Variants in UNC80 observed in about 807,000 individuals in gnomAD.
UNC80 encodes the protein unc-80 subunit of NALCN channel complex, also known as protein unc-80 homolog.
A neutral mutation model predicts 384.6 loss-of-function variants in UNC80; 164 were observed. That is an observed-to-expected ratio of 0.43 (90% CI 0.38 to 0.49). The LOEUF (loss-of-function observed/expected upper bound fraction) is 0.49. UNC80 is among the 20% of genes least tolerant of loss of function. The pLI is 0.00. For missense variants in UNC80, 3,330 were observed against 4,143.0 expected (o/e 0.80, Z 5.39); for synonymous variants, 1,486 against 1,527.8 (o/e 0.97, Z 0.64).
At chr2:209,975,039 T>G (rs550973053) in intron 56 of UNC80, among the ~76,000 whole-genome samples, 2 of 152,342 alleles carry the variant, frequency 1.3e-5, no homozygotes, top group African/African-American at 4.8e-5. Context: ...AATCTCTCTC[T>G]CTGTGTTACA....
At chr2:209,899,815 C>T (rs893525682) in intron 28 of UNC80, among the ~76,000 whole-genome samples, 18 of 152,214 alleles carry the variant, frequency 1.2e-4, no homozygotes, top group African/African-American at 4.3e-4. Flanking sequence ...CTTTGCTTCT[C>T]TTCTTAGCTA....
At chr2:209,921,759 C>A in intron 34 of UNC80, 73 bp downstream of exon 34, 1 of 1,430,692 alleles carries the variant, frequency 7.0e-7, no homozygotes, top group Non-Finnish European at 9.3e-7. Flanking sequence ...TTAACATTGA[C>A]AATTTTATGT....
In UNC80 at chr2:209,849,716, GTGTT is replaced by G. The variant is rs200164741; in HGVS notation, c.3627+104_3627+107del. 2.5e-3 allele frequency: 3,214 copies of G among 1,308,258 alleles called. 60 individuals carry two copies. The African/African-American group carries it at 0.033, about 14-fold the overall frequency. The allele number at this position is 1,308,258 out of a possible 1,614,324, so 81.0% of individuals were successfully genotyped here. ...ATGATTCCCCAATTGTAATCCTCCT[GTGTT>G]TGTTTGTTTGCTTTTTCAGAATTAG... On this transcript the variant is annotated intron_variant, in intron 22 of 64. Coordinates refer to ENST00000673920, the MANE Select transcript of UNC80 (RefSeq NM_001371986.1).
intron 23 of UNC80, among the ~76,000 whole-genome samples, chr2:209,874,510 C>A (rs576135097): frequency 2.0e-4 from 30 of 152,350 alleles, no homozygotes; most frequent in African/African-American, 6.7e-4. Context: ...GACTTTCTTG[C>A]AGCATTTGAC....
intron 6 of UNC80, among the ~76,000 whole-genome samples, chr2:209,793,451 A>G (rs1180890500): frequency 6.6e-6 from 1 of 152,226 alleles, no homozygotes; most frequent in African/African-American, 2.4e-5. Context: ...GATGAAAAAG[A>G]AAATAATTAA....
Position 209,943,390 on chromosome 2 carries a change from A to G in UNC80, c.6926A>G (p.Asp2309Gly). The G allele has an allele frequency of 6.4e-7, 1 of 1,552,192 alleles. No individual in the cohort carries two copies. The change falls in exon 45 of 65, where the codon GAC (aspartate) becomes GGC (glycine). Residue 2309 changes from aspartate to glycine, a missense_variant. Coordinates refer to ENST00000673920, the MANE Select transcript of UNC80 (RefSeq NM_001371986.1). ...ILPTMLQVYS[D>G]YESNPQLRQA... Reference sequence around the variant, plus strand: ...GGCATTTTTCCATAGGTGTACTCCGACTATGAAAGCAATCCCCAGCTGCGT... The same window carrying G: ...GGCATTTTTCCATAGGTGTACTCCGGCTATGAAAGCAATCCCCAGCTGCGT...
Position 209,835,226 on chromosome 2 carries a change from C to T in UNC80, c.3041+216C>T, listed in dbSNP as rs536929429. Among the ~76,000 whole-genome samples the T allele has an allele frequency of 3.3e-5, 5 of 152,306 alleles. No homozygotes were observed. In the South Asian group the frequency reaches 1.0e-3, roughly 32 times the overall value. On this transcript the variant is annotated intron_variant, in intron 18 of 64. Transcript: ENST00000673920. ...GAGAAGCCTCCCTAACTACATTTCC[C>T]ATCTCCAGTCTCTCCCTCACTTCTG...
rs781470597 is a variant in UNC80, at chr2:209,959,459, AC to A, written c.7587-26del. The stretch of plus-strand genomic sequence containing the variant: ...AGCTGCTACATGAATACATTTTCAG[AC>A]CCCTAGTTAATCTTTCACAATTTCC... On this transcript the variant is annotated intron_variant, in intron 50 of 64. Coordinates refer to ENST00000673920, the MANE Select transcript of UNC80 (RefSeq NM_001371986.1). 7.8e-6 allele frequency: 12 copies of A among 1,542,310 alleles called. No homozygotes were observed. In the South Asian group the frequency reaches 1.3e-4, roughly 17 times the overall value.
Position 209,943,514 on chromosome 2 carries a change from T to A in UNC80, c.7050T>A (p.Pro2350=). The A allele has an allele frequency of 6.4e-7, 1 of 1,551,458 alleles. No homozygotes were observed. Among genetic ancestry groups the A allele is most frequent in the Non-Finnish European group, 8.7e-7 (1 of 1,146,894 alleles). The change falls in exon 45 of 65, where the codon CCT becomes CCA. Residue 2350 remains proline (P), a splice_region_variant and synonymous_variant. Coordinates refer to ENST00000673920, the MANE Select transcript of UNC80 (RefSeq NM_001371986.1). The part of the protein sequence containing the change: ...FASVAPLLEF[P]DAANNGPSKG... ...GTGTGGCCCCTCTCCTGGAATTTCC[T>A]GTAAGTAAGCTCTGTGGGAAAAAAA...
chr2:209,809,299 C>A, intron 7 of UNC80: 2 of 757,806 alleles, frequency 2.6e-6, no homozygotes, highest in Non-Finnish European at 4.9e-6. Context: ...CCTCAAGAAA[C>A]ACATCCGAAG....
chr2:209,917,683 T>G, intron 31 of UNC80, 94 bp from the exon 32 acceptor site: 1 of 1,433,726 alleles, frequency 7.0e-7, no homozygotes, highest in South Asian at 1.4e-5. Flanking sequence ...CAGGAGTCAT[T>G]TTCAGAAGAT....
At chr2:209,815,187 T>C (rs2079641959) in intron 8 of UNC80, 70 bp from the exon 9 acceptor site, 4 of 1,453,760 alleles carry the variant, frequency 2.8e-6, no homozygotes, top group Non-Finnish European at 2.8e-6. Context: ...ATTAAAAATG[T>C]GACATTTCAA....
intron 22 of UNC80, among the ~76,000 whole-genome samples, chr2:209,858,175 T>C (rs911059899): frequency 2.4e-4 from 36 of 152,326 alleles, no homozygotes; most frequent in African/African-American, 8.2e-4. Context: ...TTGTTTTATT[T>C]ATTTGGAAGC....
At chr2:209,815,600 C>T (rs2079678359) in intron 9 of UNC80, among the ~76,000 whole-genome samples, 1 of 152,064 alleles carries the variant, frequency 6.6e-6, no homozygotes, top group African/African-American at 2.4e-5. Context: ...TCTAAATGCT[C>T]CACAGGGTTG....
chr2:209,820,594 A>T lies in UNC80; in HGVS notation c.2246A>T (p.Asp749Val). Reference protein sequence around the residue: ...DGGGEEGGGGDGGGGGGDGGG... With the variant: ...DGGGEEGGGGVGGGGGGDGGG... Reference sequence around the variant, plus strand: ...GGAGGAGAAGAAGGAGGAGGTGGAGATGGAGGAGGTGGAGGAGGTGATGGA... The same window carrying T: ...GGAGGAGAAGAAGGAGGAGGTGGAGTTGGAGGAGGTGGAGGAGGTGATGGA... Residue 749 changes from aspartate (D) to valine (V), a missense_variant, in exon 13 of 65, where the codon GAT (aspartate) becomes GTT (valine). Around this residue, in one of 8 missense-constraint regions of UNC80, gnomAD observed 937 missense variants for 1,026.8 expected, o/e 0.91. Transcript: ENST00000673920. 1 of 1,547,078 alleles carries T rather than the reference A, an allele frequency of 6.5e-7. No homozygotes were observed. The highest frequency in any genetic ancestry group is 8.7e-7 in the Non-Finnish European group (1 of 1,144,572).
intron 61 of UNC80, among the ~76,000 whole-genome samples, chr2:209,990,844 CT>C (rs1466876688): frequency 6.6e-6 from 1 of 152,154 alleles, no homozygotes; most frequent in Non-Finnish European, 1.5e-5. Flanking sequence ...TTTTGGTACT[CT>C]TTATGAATTT....
intron 22 of UNC80, chr2:209,869,209 C>A (rs1431614147): frequency 6.6e-6 from 1 of 152,164 alleles, no homozygotes; most frequent in Non-Finnish European, 1.5e-5. Flanking sequence ...TTTGCTGCTT[C>A]TTCAGATTGC....
Position 209,928,960 on chromosome 2 carries a change from G to A in UNC80, c.5807-911G>A, listed in dbSNP as rs752497331. ...TTCCTGTGCCTGGCTTATTTCACAT[G>A]TAAAGATATTTTTGCAATCAATATC... On this transcript the variant is annotated intron_variant, in intron 36 of 64. Transcript: ENST00000673920. Among the ~76,000 whole-genome samples the A allele has an allele frequency of 5.3e-5, 8 of 152,186 alleles. 1 individual carries two copies. Among genetic ancestry groups the A allele is most frequent in the Non-Finnish European group, 5.9e-5 (4 of 67,988 alleles).
chr2:209,778,718 C>T (rs1360109375), intron 4 of UNC80, among the ~76,000 whole-genome samples: 5 of 152,148 alleles, frequency 3.3e-5, no homozygotes, highest in Non-Finnish European at 1.5e-5. Context: ...AAGAACTATT[C>T]GTTACTTCTG....
Sources: allele counts gnomAD v4.1 joint callset (sites outside exome capture counted in the v4.1 genomes callset), GRCh38; gene constraint gnomAD v4.1.1; regional missense constraint gnomAD v4.1.1; transcripts MANE v1.5; gene names NCBI Gene and HGNC (gene_info 2026-07-23, HGNC 2026-07-21).